ABTB2: variants seen among roughly 807,000 people sequenced by gnomAD.
The protein encoded by ABTB2 is ankyrin repeat and BTB/POZ domain-containing protein 2.
In ABTB2, 56 loss-of-function variants were observed where a neutral mutation model predicts 104.1. That is an observed-to-expected ratio of 0.54 (90% confidence interval 0.43 to 0.67). The LOEUF is 0.67. ABTB2 is among the 30% of genes least tolerant of loss of function. The pLI is 0.00. For synonymous variants in ABTB2, 606 were observed against 608.2 expected (o/e 1.00, Z 0.05); for missense variants, 1,279 against 1,407.7 (o/e 0.91, Z 1.46).
intron 1 of ABTB2, among the ~76,000 whole-genome samples, chr11:34,315,369 C>T (rs1285250148): frequency 2.0e-5 from 3 of 152,150 alleles, no homozygotes; most frequent in African/African-American, 2.4e-5. Flanking sequence ...AACCTGTGTC[C>T]GGGGCCATCC....
chr11:34,230,061 C>A (rs1361518478), intron 1 of ABTB2, among the ~76,000 whole-genome samples: 1 of 152,200 alleles, frequency 6.6e-6, no homozygotes, highest in Non-Finnish European at 1.5e-5. Flanking sequence ...ACCTGCCAGG[C>A]AATGGGCAAG....
At chr11:34,189,562 C>T (rs1853146192) in intron 3 of ABTB2, among the ~76,000 whole-genome samples, 1 of 152,246 alleles carries the variant, frequency 6.6e-6, no homozygotes, top group African/African-American at 2.4e-5. Context: ...GATCACGCCA[C>T]TGCATCCCAC....
In ABTB2 at chr11:34,356,987, C is replaced by G. The variant is rs139977524; in HGVS notation, c.597G>C (p.Ala199=). The G allele has an allele frequency of 1.4e-5, 23 of 1,588,090 alleles. No individual in the cohort carries two copies. The highest frequency in any genetic ancestry group is 1.7e-5 in the Non-Finnish European group (20 of 1,169,328). The stretch of plus-strand genomic sequence containing the variant: ...CCACTGAGAAGGTGAGGCCGCAGCG[C>G]GCGGACTTGCCCCGGCGCAGCCCGT... ...AGDGLRRGKS[A]RCGLTFSVGR... Residue 199 remains alanine, a synonymous_variant, in exon 1 of 17, where the codon GCG becomes GCC. Transcript: ENST00000435224. The surrounding 1 kb of genome is among the most constrained non-coding windows in gnomAD (Gnocchi z 4.6).
intron 3 of ABTB2, among the ~76,000 whole-genome samples, chr11:34,191,826 A>G (rs188554602): frequency 6.6e-5 from 10 of 152,274 alleles, no homozygotes; most frequent in Non-Finnish European, 1.5e-4. Context: ...TCCATCCTGC[A>G]CAACAGTGCC....
chr11:34,327,096 C>T (rs1435452097), intron 1 of ABTB2, among the ~76,000 whole-genome samples: 4 of 152,000 alleles, frequency 2.6e-5, no homozygotes, highest in Admixed American at 2.6e-4. Flanking sequence ...AAGAAAAAAA[C>T]ATACCAGTTA....
chr11:34,216,906 C>T (rs918229984), intron 1 of ABTB2, among the ~76,000 whole-genome samples: 2 of 152,224 alleles, frequency 1.3e-5, no homozygotes, highest in South Asian at 2.1e-4. Flanking sequence ...AAGACACGCC[C>T]ACCAGTGTGC....
intron 1 of ABTB2, among the ~76,000 whole-genome samples, chr11:34,211,579 C>T (rs1237539811): frequency 1.3e-5 from 2 of 152,058 alleles, no homozygotes; most frequent in East Asian, 3.9e-4. Context: ...AGCTGTCAAT[C>T]ATCCATGTAA....
chr11:34,336,245 C>T (rs1281715083), intron 1 of ABTB2, among the ~76,000 whole-genome samples: 1 of 152,200 alleles, frequency 6.6e-6, no homozygotes, highest in Non-Finnish European at 1.5e-5. Flanking sequence ...CATGCACCTT[C>T]TGAGAAGCAT....
In ABTB2 at chr11:34,179,324, AT is replaced by A. The variant is rs565820276; in HGVS notation, c.1245-6018del. On this transcript the variant is annotated intron_variant, in intron 3 of 16. Coordinates refer to ENST00000435224, the MANE Select transcript of ABTB2 (RefSeq NM_145804.3). ...AGGCAAATAACTTCTTGTTATGAAAATAGTTTTGGCCCTGTGGACTCCTGGC... is the reference window on the plus strand; with the variant it reads ...AGGCAAATAACTTCTTGTTATGAAAAAGTTTTGGCCCTGTGGACTCCTGGC... 9.5e-4 allele frequency among the ~76,000 whole-genome samples: 145 copies of A among 152,310 alleles called. 1 individual carries two copies. The South Asian group carries it at 0.029, about 30-fold the overall frequency.
intron 1 of ABTB2, among the ~76,000 whole-genome samples, chr11:34,321,075 G>A (rs540937687): frequency 6.6e-6 from 1 of 152,284 alleles, no homozygotes; most frequent in African/African-American, 2.4e-5. Context: ...CCAGCTACTC[G>A]GGAGGCTGAG....
At chr11:34,166,327 G>C (rs537132752) in intron 7 of ABTB2, among the ~76,000 whole-genome samples, 1 of 152,378 alleles carries the variant, frequency 6.6e-6, no homozygotes, top group South Asian at 2.1e-4. Flanking sequence ...GTCACTCCCT[G>C]TACCAGTGCC....
chr11:34,222,118 G>C (rs1045210127), intron 1 of ABTB2, among the ~76,000 whole-genome samples: 5 of 152,182 alleles, frequency 3.3e-5, no homozygotes, highest in African/African-American at 1.2e-4. Flanking sequence ...CTTGAAGCAA[G>C]GGGTGGGGCT....
At position 34,302,468 on chromosome 11, in the gene ABTB2, C is replaced by G. The variant is rs1038653444; in HGVS notation, c.883+54233G>C. 7.9e-5 allele frequency among the ~76,000 whole-genome samples: 12 copies of G among 152,330 alleles called. 1 individual carries two copies. The highest frequency in any genetic ancestry group is 1.9e-4 in the African/African-American group (8 of 41,562). On this transcript the variant is annotated intron_variant, in intron 1 of 16. Coordinates refer to ENST00000435224, the MANE Select transcript of ABTB2 (RefSeq NM_145804.3). Reference sequence around the variant, plus strand: ...CTTGGGAAACTTGAGAGCAGGAATTCTTGCCCTGAGCCTCTGGTATGAGAA... The same window carrying G: ...CTTGGGAAACTTGAGAGCAGGAATTGTTGCCCTGAGCCTCTGGTATGAGAA...
intron 1 of ABTB2, among the ~76,000 whole-genome samples, chr11:34,222,507 G>C (rs1450978034): frequency 6.6e-6 from 1 of 152,144 alleles, no homozygotes; most frequent in Non-Finnish European, 1.5e-5. Flanking sequence ...GAGGTGAGGA[G>C]CCTCCTCCTC....
In ABTB2 at chr11:34,154,393, G is replaced by C. The variant is rs779972030; in HGVS notation, c.2767-15C>G. 9.4e-6 allele frequency: 15 copies of C among 1,595,896 alleles called. No individual in the cohort carries two copies. The East Asian group carries it at 2.0e-4, about 21-fold the overall frequency. On this transcript the variant is annotated splice_polypyrimidine_tract_variant and intron_variant, in intron 15 of 16. Transcript: ENST00000435224. The surrounding 1 kb of genome is among the most constrained non-coding windows in gnomAD (Gnocchi z 4.9). ...GCTGACAGCAGCTGGTAGGGAGGCA[G>C]AGCAGGTCTTGGGGACCCATGGCCA...
intron 1 of ABTB2, among the ~76,000 whole-genome samples, chr11:34,240,209 G>C (rs1223689779): frequency 6.6e-6 from 1 of 152,198 alleles, no homozygotes; most frequent in Non-Finnish European, 1.5e-5. Flanking sequence ...GTAAAGCCAA[G>C]AGAGCTCGCA....
intron 8 of ABTB2, 119 bp downstream of exon 8, chr11:34,165,141 G>T: frequency 2.1e-6 from 2 of 959,166 alleles, no homozygotes; most frequent in Non-Finnish European, 3.0e-6. Context: ...GGGTTTTAAG[G>T]CCCCTGCATG....
chr11:34,308,868 C>CAAAAAAAAAAAAAAAAAAAAAAAA (rs57658114), intron 1 of ABTB2, among the ~76,000 whole-genome samples: 8 of 77,788 alleles, frequency 1.0e-4, no homozygotes, highest in African/African-American at 1.3e-4. Flanking sequence ...GAAACTGTCT[C>CAAAAAAAAAAAAAAAAAAAAAAAA]AAAAAAAAAA....
At chr11:34,164,950 C>T (rs779424260) in intron 8 of ABTB2, 129 bp from the exon 9 acceptor site, 46 of 1,176,352 alleles carry the variant, frequency 3.9e-5, no homozygotes, top group Middle Eastern at 2.0e-4. Flanking sequence ...ACCCCACACT[C>T]ATCTGCATTT....
Sources: allele counts gnomAD v4.1 joint callset (sites outside exome capture counted in the v4.1 genomes callset), GRCh38; gene constraint gnomAD v4.1.1; non-coding constraint Gnocchi (gnomAD v3.1); transcripts MANE v1.5; gene names NCBI Gene and HGNC (gene_info 2026-07-23, HGNC 2026-07-21).